Variants in ATP6V1H observed in about 807,000 individuals in gnomAD.
The protein encoded by ATP6V1H is ATPase H+ transporting V1 subunit H.
A neutral mutation model predicts 71.7 loss-of-function variants in ATP6V1H; 39 were observed. The observed-to-expected ratio is 0.54, with a 90% CI of 0.42 to 0.71. The LOEUF (loss-of-function observed/expected upper bound fraction) is 0.71, where lower values mean the gene tolerates loss of function less well. Ranked by LOEUF, ATP6V1H falls within the 30% of genes least tolerant of loss-of-function variation. ATP6V1H has a pLI of 0.00. For synonymous variants in ATP6V1H, 192 were observed against 199.3 expected (o/e 0.96, Z 0.31); for missense variants, 509 against 594.9 (o/e 0.86, Z 1.50).
At chr8:53,801,948 C>T (rs759676265) in intron 7 of ATP6V1H, 52 bp from the exon 8 acceptor site, 11 of 1,469,572 alleles carry the variant, frequency 7.5e-6, no homozygotes, top group East Asian at 2.3e-5. Context: ...TAAAGTCATG[C>T]GATCAGACAC....
intron 7 of ATP6V1H, among the ~76,000 whole-genome samples, chr8:53,808,703 A>C (rs1420399864): frequency 1.3e-5 from 2 of 151,524 alleles, no homozygotes; most frequent in East Asian, 2.0e-4. Context: ...GGTTGGGCTG[A>C]GGCTGGAGGA....
At chr8:53,772,194 A>G in intron 9 of ATP6V1H, 27 bp from the exon 10 acceptor site, 1 of 1,558,842 alleles carries the variant, frequency 6.4e-7, no homozygotes, top group Non-Finnish European at 8.8e-7. Flanking sequence ...GATAGTGAGA[A>G]ACTATACAAT....
chr8:53,830,365 A>T (rs1810967031), intron 3 of ATP6V1H, among the ~76,000 whole-genome samples: 1 of 152,188 alleles, frequency 6.6e-6, no homozygotes. Context: ...GATAAAAACC[A>T]TGCTATAAAA....
chr8:53,772,223 A>T (rs992980873), intron 9 of ATP6V1H, 56 bp from the exon 10 acceptor site: 29 of 1,379,912 alleles, frequency 2.1e-5, no homozygotes, highest in Non-Finnish European at 2.7e-5. Flanking sequence ...TGATGGATTC[A>T]GAGACCTCTG....
chr8:53,741,209 T>G (rs1170027256), intron 13 of ATP6V1H, among the ~76,000 whole-genome samples: 1 of 152,050 alleles, frequency 6.6e-6, no homozygotes, highest in African/African-American at 2.4e-5. Context: ...AAGAAAAAAG[T>G]CAAATTTAAA....
intron 4 of ATP6V1H, among the ~76,000 whole-genome samples, chr8:53,819,547 C>CATAT (rs34645455): frequency 0.063 from 2,193 of 35,040 alleles, 99 homozygotes; most frequent in Middle Eastern, 0.11. Context: ...AAAAAAAAAG[C>CATAT]ATATATATAT....
chr8:53,820,648 CAG>C (rs1810620006), intron 4 of ATP6V1H, among the ~76,000 whole-genome samples: 1 of 138,696 alleles, frequency 7.2e-6, no homozygotes, highest in Admixed American at 7.5e-5. Flanking sequence ...GCCTAGGTGA[CAG>C]AGTGAGATTT....
rs576025502 is a variant in ATP6V1H at position 53,781,550 on chromosome 8, C to T, written c.871-9383G>A. ...GCAGAAGTTCTTTAGTTTAATTAGA[C>T]ACCATTTGTCAATTTTGTCTTTTGT... On this transcript the variant is annotated intron_variant, in intron 9 of 13. Transcript: ENST00000359530. Among the ~76,000 whole-genome samples the T allele has an allele frequency of 2.2e-3, 335 of 152,260 alleles. 2 individuals are homozygous for T. Among genetic ancestry groups the T allele is most frequent in the African/African-American group, 7.8e-3 (323 of 41,552 alleles).
intron 13 of ATP6V1H, 73 bp downstream of exon 13, chr8:53,743,504 A>AT: frequency 2.9e-6 from 3 of 1,047,514 alleles, no homozygotes; most frequent in Non-Finnish European, 4.4e-6. Context: ...AAGCATTTGC[A>AT]TAAGAACTTT....
chr8:53,772,606 C>CA (rs1413921434), intron 9 of ATP6V1H, among the ~76,000 whole-genome samples: 2 of 152,252 alleles, frequency 1.3e-5, no homozygotes, highest in East Asian at 3.9e-4. Context: ...CATCTCTAAT[C>CA]AACCTGTAAG....
rs1181918013 is a variant in ATP6V1H at position 53,787,454 on chromosome 8, T to C, written c.870+8193A>G. Reference sequence around the variant, plus strand: ...AAAAATGCATGTACATGCGTGTGCATGTTTATGTCTAGTGAGTATACATGT... The same window carrying C: ...AAAAATGCATGTACATGCGTGTGCACGTTTATGTCTAGTGAGTATACATGT... On this transcript the variant is annotated intron_variant, in intron 9 of 13. Coordinates refer to ENST00000359530, the MANE Select transcript of ATP6V1H (RefSeq NM_015941.4). Among the ~76,000 whole-genome samples the C allele has an allele frequency of 2.0e-5, 3 of 152,366 alleles. No individual in the cohort carries two copies. In the East Asian group the frequency reaches 5.8e-4, roughly 29 times the overall value.
intron 12 of ATP6V1H, among the ~76,000 whole-genome samples, chr8:53,746,098 C>G (rs945639368): frequency 6.6e-6 from 1 of 152,178 alleles, no homozygotes; most frequent in Non-Finnish European, 1.5e-5. Flanking sequence ...CTTTCCCCCA[C>G]GTTGGGCACT....
chr8:53,764,569 G>T (rs544781261), intron 11 of ATP6V1H, among the ~76,000 whole-genome samples: 1 of 151,942 alleles, frequency 6.6e-6, no homozygotes, highest in Non-Finnish European at 1.5e-5. Context: ...TCTATAGTTA[G>T]TATCATACTG....
Position 53,715,697 on chromosome 8 carries a change from T to C in ATP6V1H, c.*267A>G, listed in dbSNP as rs1023280209. On this transcript the variant is annotated 3_prime_UTR_variant, in exon 14 of 14. Coordinates refer to ENST00000359530, the MANE Select transcript of ATP6V1H (RefSeq NM_015941.4). ...TGGAGTGAGAATCCTTTAATAACTA[T>C]ATTTATTTCCAGAGAACAATAAATA... The C allele has an allele frequency of 8.8e-6, 3 of 340,678 alleles. No individual in the cohort carries two copies. The highest frequency in any genetic ancestry group is 2.1e-5 in the African/African-American group (1 of 47,424). 21.1% of individuals were successfully genotyped at this position (340,678 alleles called of 1,614,324 possible).
intron 10 of ATP6V1H, 110 bp downstream of exon 10, chr8:53,771,879 A>T: frequency 1.1e-6 from 1 of 922,166 alleles, no homozygotes. Context: ...ATTTTAGTGG[A>T]CTCTCTTGAT....
chr8:53,753,595 T>A (rs1807880132), intron 12 of ATP6V1H, among the ~76,000 whole-genome samples: 3 of 152,260 alleles, frequency 2.0e-5, no homozygotes, highest in African/African-American at 7.2e-5. Flanking sequence ...CTTTCAGCGT[T>A]TTAAAACTAT....
At chr8:53,756,110 G>A (rs1196359219) in intron 12 of ATP6V1H, among the ~76,000 whole-genome samples, 4 of 122,384 alleles carry the variant, frequency 3.3e-5, no homozygotes, top group African/African-American at 6.4e-5. Flanking sequence ...TTGCTCTGTC[G>A]CCCAGGCTGG....
At chr8:53,776,356 G>A (rs914051949) in intron 9 of ATP6V1H, among the ~76,000 whole-genome samples, 7 of 152,214 alleles carry the variant, frequency 4.6e-5, no homozygotes, top group South Asian at 2.1e-4. Flanking sequence ...ACAGTGCAGC[G>A]GTGGGCTGAA....
intron 2 of ATP6V1H, 60 bp from the exon 3 acceptor site, chr8:53,833,146 G>C (rs996285687): frequency 9.4e-5 from 131 of 1,392,366 alleles, no homozygotes; most frequent in Non-Finnish European, 1.3e-4. Flanking sequence ...GCAAGCGATA[G>C]AGGAATTTTC....
Sources: allele counts gnomAD v4.1 joint callset (sites outside exome capture counted in the v4.1 genomes callset), GRCh38; gene constraint gnomAD v4.1.1; transcripts MANE v1.5; gene names NCBI Gene and HGNC (gene_info 2026-07-23, HGNC 2026-07-21).